Variants in PTPRC observed in about 807,000 individuals in gnomAD.
The protein encoded by PTPRC is receptor-type tyrosine-protein phosphatase C.
In PTPRC, 44 loss-of-function variants were observed where a neutral mutation model predicts 155.9. The ratio of observed to expected loss-of-function variants is 0.28; its 90% confidence interval spans 0.22 to 0.36. The LOEUF (loss-of-function observed/expected upper bound fraction) is 0.36, where lower values mean the gene tolerates loss of function less well. Among genes scored for constraint, PTPRC ranks in the 10% least tolerant of loss-of-function variants. The probability of loss-of-function intolerance (pLI) is 1.00; values close to 1 mark genes in which losing one functional copy is unlikely to be tolerated. For synonymous variants in PTPRC, 525 were observed against 533.1 expected, an observed-to-expected ratio of 0.98 and a Z score of 0.21; for missense variants, 1,401 against 1,564.6, an observed-to-expected ratio of 0.90 and a Z score of 1.76.
chr1:198,707,563 T>A (rs1022495386), intron 9 of PTPRC, among the ~76,000 whole-genome samples: 112 of 152,226 alleles, frequency 7.4e-4, no homozygotes, highest in African/African-American at 2.6e-3. Flanking sequence ...TATCATTTAA[T>A]AATTCAAGAC....
chr1:198,693,561 G>C (rs1469318858), intron 3 of PTPRC, among the ~76,000 whole-genome samples: 2 of 152,140 alleles, frequency 1.3e-5, no homozygotes, highest in Non-Finnish European at 2.9e-5. Context: ...TCTCTGAATT[G>C]ACTCTATTAT....
intron 16 of PTPRC, 61 bp from the exon 17 acceptor site, chr1:198,729,076 A>C: frequency 6.4e-7 from 1 of 1,566,562 alleles, no homozygotes; most frequent in Non-Finnish European, 8.7e-7. Flanking sequence ...ATATAAGTAA[A>C]ATACCAATTG....
At chr1:198,653,242 A>G (rs1318960845) in intron 2 of PTPRC, among the ~76,000 whole-genome samples, 2 of 151,870 alleles carry the variant, frequency 1.3e-5, no homozygotes. Flanking sequence ...TTTAGTTTAC[A>G]TGTCTACGTA....
chr1:198,746,976 C>A, intron 26 of PTPRC, among the ~76,000 whole-genome samples: 1 of 151,656 alleles, frequency 6.6e-6, no homozygotes, highest in East Asian at 2.0e-4. Flanking sequence ...GGGTACTATG[C>A]TGAAAAAATA....
At chr1:198,655,684 A>C (rs910194393) in intron 2 of PTPRC, among the ~76,000 whole-genome samples, 10 of 152,030 alleles carry the variant, frequency 6.6e-5, no homozygotes, top group Admixed American at 5.9e-4. Flanking sequence ...CCCTGTGGAC[A>C]ATCTAGTTGG....
chr1:198,684,892 C>A (rs1481628150), intron 2 of PTPRC, among the ~76,000 whole-genome samples: 1 of 151,928 alleles, frequency 6.6e-6, no homozygotes, highest in Middle Eastern at 3.2e-3. Context: ...TTATTAGAGG[C>A]TTTGTTCTAG....
rs1340211950 is a variant in PTPRC, at chr1:198,664,073, ATAT to A, written c.73+24740_73+24742del. 3.3e-5 allele frequency among the ~76,000 whole-genome samples: 5 copies of A among 152,222 alleles called. No homozygotes were observed. The East Asian group carries it at 7.7e-4, about 23-fold the overall frequency. On this transcript the variant is annotated intron_variant, in intron 2 of 32. Coordinates refer to ENST00000442510, the MANE Select transcript of PTPRC (RefSeq NM_002838.5). Reference sequence around the variant, plus strand: ...GCTATGGGGGTGAAGAGAATGATAAATATTATTATTTAAGACAATGTTTGCTAT... The same window carrying A: ...GCTATGGGGGTGAAGAGAATGATAAATATTATTTAAGACAATGTTTGCTAT...
rs757388260 is a variant in PTPRC at position 198,744,063 on chromosome 1, A to G, written c.2707A>G (p.Ile903Val). Residue 903 changes from isoleucine to valine, a missense_variant, in exon 26 of 33, where the codon ATC (isoleucine) becomes GTC (valine). Ile to Val is a conservative substitution (Grantham distance 29). Around this residue, in one of 3 missense-constraint regions of PTPRC, gnomAD observed 134 missense variants for 204.7 expected, o/e 0.65. Transcript: ENST00000442510. ...CLMVQVEAQY[I>V]LIHQALVEYN... Reference sequence around the variant, plus strand: ...GTTCTTGAAATTGTAGGCCCAGTACATCTTGATCCATCAGGCTTTGGTGGA... The same window carrying G: ...GTTCTTGAAATTGTAGGCCCAGTACGTCTTGATCCATCAGGCTTTGGTGGA... The G allele has an allele frequency of 6.2e-7, 1 of 1,603,858 alleles. No homozygotes were observed. The highest frequency in any genetic ancestry group is 8.5e-7 in the Non-Finnish European group (1 of 1,171,634).
intron 3 of PTPRC, among the ~76,000 whole-genome samples, chr1:198,695,834 A>G (rs1666174878): frequency 6.6e-6 from 1 of 151,972 alleles, no homozygotes; most frequent in Non-Finnish European, 1.5e-5. Context: ...ACACATTTTC[A>G]TTGCTTTGTT....
At chr1:198,741,466 C>G (rs1466961121) in intron 23 of PTPRC, among the ~76,000 whole-genome samples, 3 of 151,832 alleles carry the variant, frequency 2.0e-5, no homozygotes, top group Non-Finnish European at 4.4e-5. Flanking sequence ...ATGACCTTTA[C>G]CAAATCATTT....
chr1:198,687,253 TGGGATTACAGGTGTGAA>T (rs1378393949), intron 2 of PTPRC, among the ~76,000 whole-genome samples: 1 of 152,188 alleles, frequency 6.6e-6, no homozygotes, highest in African/African-American at 2.4e-5. Context: ...CCCAAAGTTC[TGGGATTACAGGTGTGAA>T]CCATTGCACC....
At chr1:198,666,329 G>A (rs901073091) in intron 2 of PTPRC, among the ~76,000 whole-genome samples, 7 of 151,778 alleles carry the variant, frequency 4.6e-5, no homozygotes, top group Middle Eastern at 3.5e-3. Flanking sequence ...ACAACCATGT[G>A]TATGTGTGGA....
rs199882367 is a variant in PTPRC, at chr1:198,704,480, C to A, written c.667C>A (p.Pro223Thr). ...TTTTTTCTCCATTACAGCTACTACT[C>A]CATCTAAGCCAACATGTGGTAAGTT... ...VISTTTIATT[P>T]SKPTCDEKYA... Residue 223 changes from proline (P) to threonine (T), a missense_variant, in exon 8 of 33, where the codon CCA becomes ACA. By Grantham distance (38) the Pro-to-Thr change is conservative. Transcript: ENST00000442510. The A allele has an allele frequency of 3.5e-5, 56 of 1,613,974 alleles. No homozygotes were observed. In the Admixed American group the frequency reaches 6.8e-4, roughly 20 times the overall value.
chr1:198,693,639 T>G (rs1242896733), intron 3 of PTPRC, among the ~76,000 whole-genome samples: 4 of 152,126 alleles, frequency 2.6e-5, no homozygotes, highest in Non-Finnish European at 5.9e-5. Context: ...GAAAATGGTC[T>G]CTCCCAAATA....
At position 198,728,466 on chromosome 1, in the gene PTPRC, A is replaced by G. The variant is rs1445777270; in HGVS notation, c.1829+18A>G. The G allele has an allele frequency of 6.2e-7, 1 of 1,609,904 alleles. No individual in the cohort carries two copies. Among genetic ancestry groups the G allele is most frequent in the Non-Finnish European group, 8.5e-7 (1 of 1,178,282 alleles). ...AGATCCTGGTAAGAGTTGATTTTAA[A>G]TTTTTAAATAATAATGGTATTAGTA... is the stretch of plus-strand genomic sequence containing the variant. On this transcript the variant is annotated intron_variant, in intron 16 of 32. Transcript: ENST00000442510.
At chr1:198,705,263 A>T (rs923738845) in intron 8 of PTPRC, among the ~76,000 whole-genome samples, 1 of 152,002 alleles carries the variant, frequency 6.6e-6, no homozygotes, top group Non-Finnish European at 1.5e-5. Flanking sequence ...TAGTGTAAAG[A>T]GTGGCCTTCA....
chr1:198,692,143 T>A (rs558462550), intron 2 of PTPRC, among the ~76,000 whole-genome samples: 2 of 152,040 alleles, frequency 1.3e-5, no homozygotes, highest in Non-Finnish European at 2.9e-5. Flanking sequence ...AAAAAATAAA[T>A]AACATAATTT....
At chr1:198,716,577 T>A in intron 12 of PTPRC, 105 bp from the exon 13 acceptor site, 1 of 972,766 alleles carries the variant, frequency 1.0e-6, no homozygotes, top group Non-Finnish European at 1.6e-6. Flanking sequence ...CACTCAATAG[T>A]TTGGAGTTCA....
chr1:198,672,911 T>C (rs1028073579), intron 2 of PTPRC, among the ~76,000 whole-genome samples: 6 of 152,194 alleles, frequency 3.9e-5, no homozygotes, highest in African/African-American at 1.4e-4. Context: ...TCTATAATAA[T>C]TCCTGTCACC....
Sources: allele counts gnomAD v4.1 joint callset (sites outside exome capture counted in the v4.1 genomes callset), GRCh38; gene constraint gnomAD v4.1.1; regional missense constraint gnomAD v4.1.1; transcripts MANE v1.5; gene names NCBI Gene and HGNC (gene_info 2026-07-23, HGNC 2026-07-21).